NPAS2: variants seen among roughly 807,000 people sequenced by gnomAD.
The protein encoded by NPAS2 is neuronal PAS domain protein 2.
Under a neutral mutation model 107.5 loss-of-function variants are expected in NPAS2, and 23 were observed. The observed-to-expected ratio is 0.21, with a 90% CI of 0.15 to 0.30. The LOEUF (loss-of-function observed/expected upper bound fraction) is 0.30, where lower values mean the gene tolerates loss of function less well. Ranked by LOEUF, NPAS2 falls within the 10% of genes least tolerant of loss-of-function variation. The pLI, the probability that NPAS2 is intolerant of heterozygous loss-of-function variation, is 1.00. For missense variants in NPAS2, 756 were observed against 1,043.3 expected, an observed-to-expected ratio of 0.72 and a Z score of 3.79; for synonymous variants, 403 against 417.5, an observed-to-expected ratio of 0.97 and a Z score of 0.42.
intron 2 of NPAS2, among the ~76,000 whole-genome samples, chr2:100,906,870 C>T (rs1009815186): frequency 1.3e-5 from 2 of 152,186 alleles, no homozygotes; most frequent in African/African-American, 2.4e-5. Context: ...GACTAAAGTT[C>T]AACAAGGTTG....
In NPAS2 at chr2:100,820,220, G is replaced by GGCCGCGGAGCCCGGAGACCCGCA. The variant is rs1675993301; in HGVS notation, c.-209_-187dup. 2 of 149,032 alleles carry GGCCGCGGAGCCCGGAGACCCGCA rather than the reference G, an allele frequency of 1.3e-5. No individual in the cohort carries two copies. Among genetic ancestry groups the GGCCGCGGAGCCCGGAGACCCGCA allele is most frequent in the African/African-American group, 4.9e-5 (2 of 40,792 alleles). 9.2% of individuals were successfully genotyped at this position (149,032 alleles called of 1,614,324 possible). ...CGCGCGGCTGCGGCCCAGGAGCGGCGGCCGCGGAGCCCGGAGACCCGCAGC... is the reference window on the plus strand; with the variant it reads ...CGCGCGGCTGCGGCCCAGGAGCGGCGGCCGCGGAGCCCGGAGACCCGCAGCCGCGGAGCCCGGAGACCCGCAGC... On this transcript the variant is annotated 5_prime_UTR_variant, in exon 1 of 21. Coordinates refer to ENST00000335681, the MANE Select transcript of NPAS2 (RefSeq NM_002518.4). The surrounding 1 kb of genome is among the most constrained non-coding windows in gnomAD (Gnocchi z 5.6).
intron 4 of NPAS2, among the ~76,000 whole-genome samples, chr2:100,936,505 A>G (rs1684308503): frequency 6.6e-6 from 1 of 152,172 alleles, no homozygotes; most frequent in South Asian, 2.1e-4. Flanking sequence ...TGCTTTCTGG[A>G]GAGGTAGGCT....
Position 100,870,055 on chromosome 2 carries a change from C to T in NPAS2, c.-22-34678C>T, listed in dbSNP as rs183897243. Among the ~76,000 whole-genome samples the T allele has an allele frequency of 1.5e-4, 23 of 152,142 alleles. No individual in the cohort carries two copies. The East Asian group carries it at 1.8e-3, about 12-fold the overall frequency. Reference sequence around the variant, plus strand: ...GAGTAGCTGGGACTACAGGTGTCTGCGACCACGCCAGGCTAATTTTTTGTT... The same window carrying T: ...GAGTAGCTGGGACTACAGGTGTCTGTGACCACGCCAGGCTAATTTTTTGTT... On this transcript the variant is annotated intron_variant, in intron 1 of 20. Transcript: ENST00000335681.
chr2:100,839,741 T>G (rs1366417440), intron 1 of NPAS2, among the ~76,000 whole-genome samples: 1 of 152,202 alleles, frequency 6.6e-6, no homozygotes, highest in African/African-American at 2.4e-5. Flanking sequence ...CAGATTATTT[T>G]TGTAATCCTT....
intron 1 of NPAS2, chr2:100,901,604 T>G (rs1681784390): frequency 1.0e-6 from 1 of 957,658 alleles, no homozygotes. Context: ...GATCAGAGGG[T>G]GGGTGGAGAA....
chr2:100,826,993 A>G (rs3849375), intron 1 of NPAS2, among the ~76,000 whole-genome samples: 44,890 of 152,160 alleles, frequency 0.3, 9,730 homozygotes, highest in African/African-American at 0.61. Flanking sequence ...TTTATTGGCT[A>G]CATAATAGTT....
At chr2:100,906,825 G>T (rs554716028) in intron 2 of NPAS2, among the ~76,000 whole-genome samples, 1 of 152,352 alleles carries the variant, frequency 6.6e-6, no homozygotes, top group South Asian at 2.1e-4. Context: ...CCTTTGAAGT[G>T]TGTATCATTC....
At chr2:100,839,346 C>T (rs540513559) in intron 1 of NPAS2, among the ~76,000 whole-genome samples, 41 of 152,186 alleles carry the variant, frequency 2.7e-4, no homozygotes, top group African/African-American at 9.6e-4. Context: ...CCAGGTTGCT[C>T]TCAAACTCCT....
chr2:100,822,772 C>G (rs773796673), intron 1 of NPAS2: 2 of 152,172 alleles, frequency 1.3e-5, no homozygotes, highest in Non-Finnish European at 2.9e-5. Flanking sequence ...CATGCTGATT[C>G]CATGCACGGT....
chr2:100,986,500 G>C (rs1310700758), intron 16 of NPAS2: 1 of 152,254 alleles, frequency 6.6e-6, no homozygotes, highest in African/African-American at 2.4e-5. Context: ...GAGCCAGAGA[G>C]CCTTCCCCCT....
chr2:100,944,031 C>T (rs1274933916), intron 5 of NPAS2, among the ~76,000 whole-genome samples: 1 of 152,102 alleles, frequency 6.6e-6, no homozygotes, highest in East Asian at 1.9e-4. Context: ...TTAATTCTTA[C>T]TATTACAAAG....
At chr2:100,877,474 G>C (rs1680052857) in intron 1 of NPAS2, among the ~76,000 whole-genome samples, 1 of 150,626 alleles carries the variant, frequency 6.6e-6, no homozygotes, top group Admixed American at 6.6e-5. Flanking sequence ...AAAAGAAATG[G>C]TTGAAATAAG....
intron 2 of NPAS2, among the ~76,000 whole-genome samples, chr2:100,911,188 TA>T (rs1682523888): frequency 6.6e-6 from 1 of 152,180 alleles, no homozygotes; most frequent in African/African-American, 2.4e-5. Flanking sequence ...ATCCTGCATT[TA>T]AAAAATTATC....
chr2:100,857,366 C>T (rs946480569), intron 1 of NPAS2, among the ~76,000 whole-genome samples: 1 of 148,974 alleles, frequency 6.7e-6, no homozygotes, highest in Non-Finnish European at 1.5e-5. Flanking sequence ...TTGTTGAAAA[C>T]ATTTGCTGAG....
In NPAS2 at chr2:100,996,560, T is replaced by C. The variant is rs1678449913; in HGVS notation, c.*978T>C. The C allele has an allele frequency of 6.5e-6, 1 of 152,680 alleles. No homozygotes were observed. The highest frequency in any genetic ancestry group is 2.1e-4 in the South Asian group (1 of 4,834). 9.5% of individuals were successfully genotyped at this position (152,680 alleles called of 1,614,324 possible). The stretch of plus-strand genomic sequence containing the variant: ...AATACTGAGAATTGGATTTTCCTTT[T>C]CAAAATGCACTTTGCTTTTTTTGTA... On this transcript the variant is annotated 3_prime_UTR_variant, in exon 21 of 21. Transcript: ENST00000335681.
At chr2:100,873,297 TATATATATATACACACAC>T (rs1171613270) in intron 1 of NPAS2, among the ~76,000 whole-genome samples, 128 of 42,612 alleles carry the variant, frequency 3.0e-3, no homozygotes, top group African/African-American at 9.2e-3. Flanking sequence ...TATATATATA[TATATATATATACACACAC>T]ACACACACAC....
intron 1 of NPAS2, chr2:100,822,942 A>G (rs1676160114): frequency 6.6e-6 from 1 of 152,164 alleles, no homozygotes; most frequent in Non-Finnish European, 1.5e-5. Flanking sequence ...TTGGTGCATT[A>G]TTTGCTTACA....
chr2:100,975,750 T>C, intron 14 of NPAS2, 183 bp downstream of exon 14: 1 of 508,108 alleles, frequency 2.0e-6, no homozygotes, highest in South Asian at 3.0e-5. Context: ...AACATTTGCA[T>C]GACAAAATTA....
rs1310552059 is a variant in NPAS2, at chr2:100,990,185, G to A, written c.1828-71G>A. The A allele has an allele frequency of 2.1e-6, 3 of 1,398,368 alleles. No homozygotes were observed. In the Admixed American group the frequency reaches 5.3e-5, roughly 25 times the overall value. 86.6% of individuals were successfully genotyped at this position (1,398,368 alleles called of 1,614,324 possible). On this transcript the variant is annotated intron_variant, in intron 17 of 20. Transcript: ENST00000335681. ...AGGGTAGGTAGAAGGAGGAGACACTGGGAGGTTTCCTGGAGAGATGGCCCA... is the reference window on the plus strand; with the variant it reads ...AGGGTAGGTAGAAGGAGGAGACACTAGGAGGTTTCCTGGAGAGATGGCCCA...
Sources: allele counts gnomAD v4.1 joint callset (sites outside exome capture counted in the v4.1 genomes callset), GRCh38; gene constraint gnomAD v4.1.1; non-coding constraint Gnocchi (gnomAD v3.1); transcripts MANE v1.5; gene names NCBI Gene and HGNC (gene_info 2026-07-23, HGNC 2026-07-21).